Variants in ERBB4 observed in about 807,000 individuals in gnomAD.
ERBB4 encodes erb-b2 receptor tyrosine kinase 4, also known as receptor tyrosine-protein kinase erbB-4.
A neutral mutation model predicts 158.0 loss-of-function variants in ERBB4; 42 were observed. The observed-to-expected ratio is 0.27, with a 90% CI of 0.21 to 0.34. The LOEUF is 0.34. Ranked by LOEUF, ERBB4 falls within the 10% of genes least tolerant of loss-of-function variation. The pLI is 1.00. For missense variants in ERBB4, 1,333 were observed against 1,624.1 expected (o/e 0.82, Z 3.08); for synonymous variants, 583 against 558.7 (o/e 1.04, Z -0.61).
At chr2:212,254,676 A>G (rs182829913) in intron 1 of ERBB4, among the ~76,000 whole-genome samples, 33 of 152,310 alleles carry the variant, frequency 2.2e-4, no homozygotes, top group Non-Finnish European at 4.6e-4. Context: ...ACAGCATGCC[A>G]CTGATGGGAA....
intron 1 of ERBB4, among the ~76,000 whole-genome samples, chr2:212,196,160 C>A (rs1016475584): frequency 6.6e-6 from 1 of 152,020 alleles, no homozygotes; most frequent in Non-Finnish European, 1.5e-5. Context: ...CTACTGCTGG[C>A]TGGAAGCTTT....
intron 1 of ERBB4, among the ~76,000 whole-genome samples, chr2:212,267,774 G>A (rs558652949): frequency 2.0e-4 from 26 of 128,156 alleles, no homozygotes; most frequent in Admixed American, 3.3e-4. Context: ...AACAGGCCCC[G>A]GTGTGTGATG....
chr2:212,213,883 G>A lies in ERBB4; in HGVS notation c.83-88980C>T, dbSNP rs181768660. On this transcript the variant is annotated intron_variant, in intron 1 of 27. Coordinates refer to ENST00000342788, the MANE Select transcript of ERBB4 (RefSeq NM_005235.3). ...GTTTTCAGGCCAAAAGGCAATGGGA[G>A]TGGCTTATCAAAATTCAGAGAATTC... Among the ~76,000 whole-genome samples the A allele has an allele frequency of 3.9e-5, 6 of 151,906 alleles. 2 individuals carry two copies. The Admixed American group carries it at 4.0e-4, about 10-fold the overall frequency.
At chr2:212,306,244 C>T (rs1476204037) in intron 1 of ERBB4, among the ~76,000 whole-genome samples, 1 of 151,432 alleles carries the variant, frequency 6.6e-6, no homozygotes, top group African/African-American at 2.4e-5. Context: ...TTTAATTGCA[C>T]TTGACATTTC....
chr2:212,058,869 G>A (rs2077667456), intron 2 of ERBB4, among the ~76,000 whole-genome samples: 1 of 152,108 alleles, frequency 6.6e-6, no homozygotes, highest in African/African-American at 2.4e-5. Flanking sequence ...CATTCCCTTT[G>A]AAAACTGGCA....
At chr2:211,470,424 A>G (rs2064803480) in intron 20 of ERBB4, among the ~76,000 whole-genome samples, 1 of 152,178 alleles carries the variant, frequency 6.6e-6, no homozygotes, top group South Asian at 2.1e-4. Context: ...TTGTTTTCAC[A>G]TAAATATTAA....
intron 1 of ERBB4, among the ~76,000 whole-genome samples, chr2:212,370,156 G>A (rs2090037028): frequency 6.6e-6 from 1 of 152,024 alleles, no homozygotes; most frequent in South Asian, 2.1e-4. Context: ...TTTCCTCCAT[G>A]CTGTTCTCAG....
intron 20 of ERBB4, among the ~76,000 whole-genome samples, chr2:211,530,774 C>A (rs1405611897): frequency 1.3e-5 from 2 of 152,022 alleles, no homozygotes; most frequent in African/African-American, 2.4e-5. Flanking sequence ...CTTGTAGTTC[C>A]AGATACTCAG....
At chr2:212,223,399 T>C (rs2083368694) in intron 1 of ERBB4, among the ~76,000 whole-genome samples, 1 of 143,338 alleles carries the variant, frequency 7.0e-6, no homozygotes, top group Non-Finnish European at 1.5e-5. Flanking sequence ...TATATCTTCA[T>C]ATATATTTAT....
chr2:212,313,076 T>C (rs1279318056), intron 1 of ERBB4, among the ~76,000 whole-genome samples: 1 of 150,828 alleles, frequency 6.6e-6, no homozygotes, highest in African/African-American at 2.4e-5. Flanking sequence ...TGTAGACAAT[T>C]TAGAAATTAA....
chr2:212,332,846 A>G (rs763992292), intron 1 of ERBB4, among the ~76,000 whole-genome samples: 3 of 152,048 alleles, frequency 2.0e-5, no homozygotes. Flanking sequence ...TCTGAGGGTT[A>G]TTTTTCTGCC....
At chr2:212,203,601 T>C (rs551862466) in intron 1 of ERBB4, among the ~76,000 whole-genome samples, 2 of 152,342 alleles carry the variant, frequency 1.3e-5, no homozygotes, top group Admixed American at 6.5e-5. Flanking sequence ...GAAAATAAGA[T>C]GTGTGTACAT....
intron 12 of ERBB4, among the ~76,000 whole-genome samples, chr2:211,685,889 G>A (rs76653101): frequency 0.021 from 3,235 of 152,146 alleles, 115 homozygotes; most frequent in African/African-American, 0.075. Context: ...ATTATAAATA[G>A]TATTATAGTT....
intron 15 of ERBB4, among the ~76,000 whole-genome samples, chr2:211,659,655 T>C (rs1462954296): frequency 1.3e-5 from 2 of 152,132 alleles, no homozygotes; most frequent in Non-Finnish European, 2.9e-5. Context: ...AACTAAAATT[T>C]AACTTGAGGG....
In ERBB4 at chr2:211,947,592, C is replaced by A. The variant is rs143662416; in HGVS notation, c.259G>T (p.Val87Leu). 11 of 1,613,580 alleles carry A rather than the reference C, an allele frequency of 6.8e-6. No homozygotes were observed. The African/African-American group carries it at 1.3e-4, about 20-fold the overall frequency. ...CGAAACTGATTAAGAGCCACTAACA[C>A]GTAGCCTGTGACTTCTCGAACAGAC... ...LRSVREVTGY[V>L]LVALNQFRYL... The change falls in exon 3 of 28, where the codon GTG (valine) becomes TTG (leucine). Residue 87 changes from valine to leucine, a missense_variant. Coordinates refer to ENST00000342788, the MANE Select transcript of ERBB4 (RefSeq NM_005235.3).
chr2:212,225,930 T>C (rs1029357596), intron 1 of ERBB4, among the ~76,000 whole-genome samples: 1 of 152,070 alleles, frequency 6.6e-6, no homozygotes, highest in Admixed American at 6.6e-5. Flanking sequence ...TTCCCAGAAG[T>C]ATGTTATTTT....
chr2:212,028,321 C>T (rs989943260), intron 2 of ERBB4, among the ~76,000 whole-genome samples: 1 of 152,066 alleles, frequency 6.6e-6, no homozygotes, highest in Non-Finnish European at 1.5e-5. Flanking sequence ...AAGCGACTCA[C>T]TATATTTTAA....
intron 15 of ERBB4, among the ~76,000 whole-genome samples, chr2:211,659,801 T>A (rs968587709): frequency 5.3e-5 from 8 of 152,162 alleles, no homozygotes; most frequent in Non-Finnish European, 1.0e-4. Context: ...CAATGAGCTA[T>A]GAATTTAATG....
chr2:211,586,626 A>G (rs2068287848), intron 19 of ERBB4, among the ~76,000 whole-genome samples: 1 of 152,188 alleles, frequency 6.6e-6, no homozygotes, highest in African/African-American at 2.4e-5. Flanking sequence ...TACCCCAGGG[A>G]ACACATGGTG....
Sources: gnomAD v4.1 joint callset for allele counts (sites outside exome capture counted in the v4.1 genomes callset) on GRCh38, gnomAD v4.1.1 for gene constraint, MANE v1.5 for transcripts, NCBI Gene and HGNC (gene_info 2026-07-23, HGNC 2026-07-21) for gene names.